MIPOL1: variants seen among roughly 807,000 people sequenced by gnomAD.
MIPOL1 encodes mirror-image polydactyly 1.
MIPOL1 carries 57 observed loss-of-function variants against 60.9 expected under a neutral mutation model. The ratio of observed to expected loss-of-function variants is 0.94; its 90% confidence interval spans 0.76 to 1.17. The LOEUF (loss-of-function observed/expected upper bound fraction) is 1.17. Among genes scored for constraint, MIPOL1 ranks in the 50% most tolerant of loss-of-function variants. The pLI is 0.00. For synonymous variants in MIPOL1, 179 were observed against 168.8 expected, an observed-to-expected ratio of 1.06 and a Z score of -0.47; for missense variants, 551 against 511.6, an observed-to-expected ratio of 1.08 and a Z score of -0.74.
At chr14:37,500,519 C>A (rs990075570) in intron 12 of MIPOL1, among the ~76,000 whole-genome samples, 1 of 152,272 alleles carries the variant, frequency 6.6e-6, no homozygotes, top group East Asian at 1.9e-4. Context: ...TTGAGATCAT[C>A]TGTGACATTG....
intron 1 of MIPOL1, among the ~76,000 whole-genome samples, chr14:37,217,885 G>T (rs77222789): frequency 0.044 from 6,674 of 152,246 alleles, 340 homozygotes; most frequent in African/African-American, 0.12. Flanking sequence ...GTAAGTCCTA[G>T]TTAGAGGTCT....
At chr14:37,458,406 A>G (rs2094500865) in intron 11 of MIPOL1, among the ~76,000 whole-genome samples, 1 of 152,202 alleles carries the variant, frequency 6.6e-6, no homozygotes. Context: ...CACAATAGAT[A>G]ATATGTTGGG....
At chr14:37,304,856 T>C (rs1005151638) in intron 7 of MIPOL1, among the ~76,000 whole-genome samples, 1 of 151,844 alleles carries the variant, frequency 6.6e-6, no homozygotes, top group Non-Finnish European at 1.5e-5. Flanking sequence ...ATCATGACTA[T>C]GTCAAGTTAG....
intron 10 of MIPOL1, among the ~76,000 whole-genome samples, chr14:37,418,636 A>G (rs1405061785): frequency 6.6e-6 from 1 of 152,112 alleles, no homozygotes; most frequent in African/African-American, 2.4e-5. Flanking sequence ...CTGAATTTCT[A>G]TTTGAGTTCA....
intron 11 of MIPOL1, among the ~76,000 whole-genome samples, chr14:37,436,198 G>T (rs1413972231): frequency 2.0e-5 from 3 of 152,102 alleles, no homozygotes; most frequent in Non-Finnish European, 4.4e-5. Flanking sequence ...CTATTAACCT[G>T]ACATTCTTCT....
intron 10 of MIPOL1, among the ~76,000 whole-genome samples, chr14:37,409,930 C>T (rs1193867682): frequency 1.3e-5 from 2 of 151,926 alleles, no homozygotes; most frequent in Middle Eastern, 3.4e-3. Flanking sequence ...AATTGGGCTC[C>T]GAAAAGGAGA....
chr14:37,317,836 A>C (rs1595103860), intron 9 of MIPOL1, among the ~76,000 whole-genome samples: 1 of 152,318 alleles, frequency 6.6e-6, no homozygotes, highest in East Asian at 1.9e-4. Context: ...TCCCTAAATG[A>C]TACATATTTT....
At chr14:37,351,327 G>A (rs78969698) in intron 9 of MIPOL1, among the ~76,000 whole-genome samples, 28,293 of 139,000 alleles carry the variant, frequency 0.2, 2,979 homozygotes, top group South Asian at 0.31. Context: ...ATTTGGGTTG[G>A]TTCCAAGTCT....
chr14:37,423,031 G>A, intron 11 of MIPOL1, 82 bp downstream of exon 11: 2 of 795,574 alleles, frequency 2.5e-6, no homozygotes, highest in Non-Finnish European at 4.1e-6. Flanking sequence ...TAGTGAATGA[G>A]GAAATACCTC....
At chr14:37,299,513 A>G (rs1490388815) in intron 7 of MIPOL1, among the ~76,000 whole-genome samples, 1 of 152,044 alleles carries the variant, frequency 6.6e-6, no homozygotes, top group Non-Finnish European at 1.5e-5. Context: ...TAAGTTGCAT[A>G]TTCTGTTCAT....
At chr14:37,511,255 C>T (rs768604696) in intron 12 of MIPOL1, among the ~76,000 whole-genome samples, 2 of 152,136 alleles carry the variant, frequency 1.3e-5, no homozygotes, top group Non-Finnish European at 2.9e-5. Context: ...TCTTGGCCCA[C>T]CTGTCATAAA....
intron 11 of MIPOL1, among the ~76,000 whole-genome samples, chr14:37,488,373 T>C (rs530621215): frequency 6.6e-6 from 1 of 152,292 alleles, no homozygotes; most frequent in South Asian, 2.1e-4. Context: ...TTCCTGAATG[T>C]TCTTATTAAT....
At chr14:37,543,250 G>A (rs766128673) in intron 12 of MIPOL1, among the ~76,000 whole-genome samples, 10 of 151,960 alleles carry the variant, frequency 6.6e-5, no homozygotes, top group Non-Finnish European at 8.8e-5. Context: ...CTCTCACTGG[G>A]ATTATTTTTT....
chr14:37,266,203 C>T (rs2082860838), intron 3 of MIPOL1, among the ~76,000 whole-genome samples: 1 of 152,100 alleles, frequency 6.6e-6, no homozygotes, highest in Non-Finnish European at 1.5e-5. Context: ...ATCAAGAGTT[C>T]AGGGGATCAC....
At chr14:37,404,043 A>C (rs1288166408) in intron 10 of MIPOL1, among the ~76,000 whole-genome samples, 1 of 152,228 alleles carries the variant, frequency 6.6e-6, no homozygotes. Flanking sequence ...AATATTTAAA[A>C]TAGGAAATAT....
intron 1 of MIPOL1, among the ~76,000 whole-genome samples, chr14:37,225,103 C>T (rs1050176294): frequency 1.3e-5 from 2 of 152,186 alleles, no homozygotes; most frequent in African/African-American, 4.8e-5. Context: ...TTGGGCAGCT[C>T]TGCCCTTGTG....
intron 11 of MIPOL1, among the ~76,000 whole-genome samples, chr14:37,451,685 GAGTT>G (rs987114163): frequency 2.6e-4 from 39 of 152,082 alleles, no homozygotes; most frequent in Admixed American, 1.5e-3. Flanking sequence ...ATCAAAGCAT[GAGTT>G]AGTTAAAGGA....
chr14:37,440,269 T>G (rs897411493), intron 11 of MIPOL1, among the ~76,000 whole-genome samples: 1 of 152,344 alleles, frequency 6.6e-6, no homozygotes, highest in Admixed American at 6.5e-5. Flanking sequence ...TGCAATTGAC[T>G]TATATACATT....
At chr14:37,454,676 G>C (rs2094457414) in intron 11 of MIPOL1, among the ~76,000 whole-genome samples, 1 of 152,108 alleles carries the variant, frequency 6.6e-6, no homozygotes, top group South Asian at 2.1e-4. Context: ...AATATATAAA[G>C]TGCCTATTGT....
Sources: gnomAD v4.1 joint callset for allele counts (sites outside exome capture counted in the v4.1 genomes callset) on GRCh38, gnomAD v4.1.1 for gene constraint, MANE v1.5 for transcripts, NCBI Gene and HGNC (gene_info 2026-07-23, HGNC 2026-07-21) for gene names.